LRIG2: variants seen among roughly 807,000 people sequenced by gnomAD.
The protein encoded by LRIG2 is leucine-rich repeats and immunoglobulin-like domains protein 2.
In LRIG2, 93 loss-of-function variants were observed where a neutral mutation model predicts 107.8. That is an observed-to-expected ratio of 0.86 (90% CI 0.73 to 1.03). The LOEUF (loss-of-function observed/expected upper bound fraction) is 1.03. Among genes scored for constraint, LRIG2 ranks in the 50% least tolerant of loss-of-function variants. LRIG2 has a pLI of 0.00. For missense variants in LRIG2, 1,226 were observed against 1,296.0 expected (o/e 0.95, Z 0.83); for synonymous variants, 471 against 470.6 (o/e 1.00, Z -0.01).
At chr1:113,117,961 C>G (rs946575708) in intron 16 of LRIG2, among the ~76,000 whole-genome samples, 1 of 151,352 alleles carries the variant, frequency 6.6e-6, no homozygotes, top group Non-Finnish European at 1.5e-5. Flanking sequence ...TTCTTGTCAC[C>G]CAGGCTGGAG....
intron 1 of LRIG2, among the ~76,000 whole-genome samples, chr1:113,087,595 C>T (rs1050894555): frequency 6.6e-6 from 1 of 152,152 alleles, no homozygotes; most frequent in Non-Finnish European, 1.5e-5. Flanking sequence ...GCGATCCACC[C>T]ACCTCGGCCT....
Position 113,126,348 on chromosome 1 carries a change from G to T in LRIG2, c.*2247G>T. ...TCTCGCTCTGGTTCTCCATTGGTCT[G>T]GGCTCCTGCTTCTCAGTCTTCTCTG... On this transcript the variant is annotated 3_prime_UTR_variant, in exon 18 of 18. Coordinates refer to ENST00000361127, the MANE Select transcript of LRIG2 (RefSeq NM_014813.3). 5.7e-6 allele frequency: 1 copy of T among 175,222 alleles called. No homozygotes were observed. The highest frequency in any genetic ancestry group is 1.5e-4 in the South Asian group (1 of 6,648). The allele number at this position is 175,222 out of a possible 1,614,324, so 10.9% of individuals were successfully genotyped here. A position where few individuals can be genotyped will look rare whatever the true frequency, so the allele number is the denominator to read the frequency against.
chr1:113,080,019 A>ATTTTTTT (rs35584269), intron 1 of LRIG2, among the ~76,000 whole-genome samples: 1 of 112,638 alleles, frequency 8.9e-6, no homozygotes, highest in East Asian at 2.5e-4. Flanking sequence ...CCTGGCCCGA[A>ATTTTTTT]TTTTTTTTTT....
chr1:113,085,349 T>G (rs1304245699), intron 1 of LRIG2, among the ~76,000 whole-genome samples: 1 of 152,192 alleles, frequency 6.6e-6, no homozygotes, highest in African/African-American at 2.4e-5. Flanking sequence ...AATGGTGGGA[T>G]CTCTGCTCAC....
Position 113,074,408 on chromosome 1 carries a change from T to C in LRIG2, c.239+763T>C, listed in dbSNP as rs532212620. Among the ~76,000 whole-genome samples the C allele has an allele frequency of 1.8e-4, 28 of 152,320 alleles. No individual in the cohort carries two copies. In the South Asian group the frequency reaches 2.5e-3, roughly 14 times the overall value. ...TGAATGAATTCTGGAGTTTCCACTG[T>C]TGAGTTTTCACTTTGACAGGTCTTT... On this transcript the variant is annotated intron_variant, in intron 1 of 17. Coordinates refer to ENST00000361127, the MANE Select transcript of LRIG2 (RefSeq NM_014813.3).
rs1655417104 is a variant in LRIG2 at position 113,124,813 on chromosome 1, A to C, written c.*712A>C. On this transcript the variant is annotated 3_prime_UTR_variant, in exon 18 of 18. Coordinates refer to ENST00000361127, the MANE Select transcript of LRIG2 (RefSeq NM_014813.3). ...TGTAATATCCAGTTATAATATTGAC[A>C]AGTAGCTTCTCAGATCACAGATTTT... 1 of 152,194 alleles carries C rather than the reference A, an allele frequency of 6.6e-6. No homozygotes were observed. The highest frequency in any genetic ancestry group is 2.1e-4 in the South Asian group (1 of 4,832). 9.4% of individuals were successfully genotyped at this position (152,194 alleles called of 1,614,324 possible). A position where few individuals can be genotyped will look rare whatever the true frequency, so the allele number is the denominator to read the frequency against.
Position 113,100,496 on chromosome 1 carries a change from A to G in LRIG2, c.1313+8A>G. 6.8e-7 allele frequency: 1 copy of G among 1,463,052 alleles called. No homozygotes were observed. The highest frequency in any genetic ancestry group is 9.5e-7 in the Non-Finnish European group (1 of 1,053,330). The allele number at this position is 1,463,052 out of a possible 1,614,324, so 90.6% of individuals were successfully genotyped here. A position where few individuals can be genotyped will look rare whatever the true frequency, so the allele number is the denominator to read the frequency against. On this transcript the variant is annotated splice_region_variant and intron_variant, in intron 11 of 17. Transcript: ENST00000361127. ...GACTCATTTAAAAGAACTGTAAGTA[A>G]CTTGTCTTTTTAAAATCACCAGTTG...
At chr1:113,116,805 A>G (rs893529597) in intron 16 of LRIG2, among the ~76,000 whole-genome samples, 10 of 152,164 alleles carry the variant, frequency 6.6e-5, no homozygotes, top group African/African-American at 1.9e-4. Context: ...ACAGGTAGAC[A>G]TTCAGTAAAG....
At chr1:113,117,303 T>C (rs766300674) in intron 16 of LRIG2, among the ~76,000 whole-genome samples, 1 of 152,226 alleles carries the variant, frequency 6.6e-6, no homozygotes, top group Non-Finnish European at 1.5e-5. Context: ...CAATAATTTG[T>C]AAAGCACTTC....
chr1:113,110,102 G>T, intron 12 of LRIG2, 140 bp from the exon 13 acceptor site: 1 of 611,910 alleles, frequency 1.6e-6, no homozygotes, highest in Non-Finnish European at 2.8e-6. Flanking sequence ...AAGGGAATTG[G>T]ACTGTAGCTC....
chr1:113,125,572 C>CA lies in LRIG2; in HGVS notation c.*1476dup, dbSNP rs1655457637. 6.6e-6 allele frequency: 1 copy of CA among 152,118 alleles called. No homozygotes were observed. The highest frequency in any genetic ancestry group is 2.4e-5 in the African/African-American group (1 of 41,420). 9.4% of individuals were successfully genotyped at this position (152,118 alleles called of 1,614,324 possible). Reference sequence around the variant, plus strand: ...GTTACTTTATGTATAATGAACGCTTCAAAAACTGGAGGCTGATTTAAAGAT... The same window carrying CA: ...GTTACTTTATGTATAATGAACGCTTCAAAAAACTGGAGGCTGATTTAAAGAT... On this transcript the variant is annotated 3_prime_UTR_variant, in exon 18 of 18. Transcript: ENST00000361127.
intron 12 of LRIG2, among the ~76,000 whole-genome samples, chr1:113,108,957 A>T (rs1654655729): frequency 6.6e-6 from 1 of 152,162 alleles, no homozygotes; most frequent in African/African-American, 2.4e-5. Context: ...CAGTGTATCT[A>T]TGTTGGATAT....
At chr1:113,095,284 T>G (rs753867951) in intron 6 of LRIG2, among the ~76,000 whole-genome samples, 13 of 151,634 alleles carry the variant, frequency 8.6e-5, no homozygotes, top group Non-Finnish European at 1.3e-4. Flanking sequence ...AAGTTTATAT[T>G]CTTAATGTTT....
rs765195228 is a variant in LRIG2, at chr1:113,093,435, A to G, written c.386A>G (p.His129Arg). The G allele has an allele frequency of 8.7e-6, 14 of 1,613,864 alleles. No individual in the cohort carries two copies. Among genetic ancestry groups the G allele is most frequent in the Admixed American group, 5.0e-5 (3 of 59,988 alleles). Residue 129 changes from histidine (H) to arginine (R), a missense_variant, in exon 4 of 18, where the codon CAT becomes CGT. Around this residue, in one of 3 missense-constraint regions of LRIG2, gnomAD observed 570 missense variants for 550.2 expected, o/e 1.04. Transcript: ENST00000361127. ...TTATAATCTTTGTTTTACAGAGTCCATAATATAATCCCAGAAATAAATGCA... is the reference window on the plus strand; with the variant it reads ...TTATAATCTTTGTTTTACAGAGTCCGTAATATAATCCCAGAAATAAATGCA... ...TSNITLLSLV[H>R]NIIPEINAQA...
intron 16 of LRIG2, among the ~76,000 whole-genome samples, chr1:113,117,768 A>G (rs1557920169): frequency 1.3e-5 from 2 of 152,206 alleles, no homozygotes; most frequent in East Asian, 1.9e-4. Flanking sequence ...GGCATGAGCC[A>G]CCGCACCTGG....
intron 14 of LRIG2, 31 bp from the exon 15 acceptor site, chr1:113,114,395 CA>C: frequency 2.3e-6 from 3 of 1,300,686 alleles, no homozygotes; most frequent in Middle Eastern, 1.9e-4. Context: ...CCTAACTTTT[CA>C]TTTTTTTTTT....
rs963156062 is a variant in LRIG2, at chr1:113,125,855, C to A, written c.*1754C>A. On this transcript the variant is annotated 3_prime_UTR_variant, in exon 18 of 18. Transcript: ENST00000361127. Reference sequence around the variant, plus strand: ...ATTTGAAATTCTGTGAACAGGAATTCTTTTGGTAGTGAAATAGGTGCTCAC... The same window carrying A: ...ATTTGAAATTCTGTGAACAGGAATTATTTTGGTAGTGAAATAGGTGCTCAC... 3 of 152,152 alleles carry A rather than the reference C, an allele frequency of 2.0e-5. No individual in the cohort carries two copies. The highest frequency in any genetic ancestry group is 4.4e-5 in the Non-Finnish European group (3 of 68,040). 9.4% of individuals were successfully genotyped at this position (152,152 alleles called of 1,614,324 possible). A position where few individuals can be genotyped will look rare whatever the true frequency, so the allele number is the denominator to read the frequency against.
intron 1 of LRIG2, among the ~76,000 whole-genome samples, chr1:113,077,060 G>A (rs1004858799): frequency 1.2e-4 from 19 of 152,102 alleles, no homozygotes; most frequent in African/African-American, 4.3e-4. Flanking sequence ...GGTTAAGGAC[G>A]CTTCTATAGA....
At chr1:113,085,103 CCTT>C (rs1653488870) in intron 1 of LRIG2, among the ~76,000 whole-genome samples, 1 of 152,294 alleles carries the variant, frequency 6.6e-6, no homozygotes, top group African/African-American at 2.4e-5. Flanking sequence ...TATCTCTTCT[CCTT>C]TTGCCTTCCT....
Sources: allele counts gnomAD v4.1 joint callset (sites outside exome capture counted in the v4.1 genomes callset), GRCh38; gene constraint gnomAD v4.1.1; regional missense constraint gnomAD v4.1.1; transcripts MANE v1.5; gene names NCBI Gene and HGNC (gene_info 2026-07-23, HGNC 2026-07-21).